Variants in FAM13A observed in about 807,000 individuals in gnomAD.
The protein encoded by FAM13A is protein FAM13A.
In FAM13A, 76 loss-of-function variants were observed where a neutral mutation model predicts 129.6. The ratio of observed to expected loss-of-function variants is 0.59; its 90% CI spans 0.49 to 0.71. FAM13A has a LOEUF of 0.71. FAM13A is among the 30% of genes least tolerant of loss of function. The pLI is 0.00. For synonymous variants in FAM13A, 443 were observed against 449.9 expected (o/e 0.98, Z 0.20); for missense variants, 1,108 against 1,249.3 (o/e 0.89, Z 1.70).
chr4:88,758,940 C>T, intron 13 of FAM13A, 39 bp from the exon 14 acceptor site: 1 of 1,595,396 alleles, frequency 6.3e-7, no homozygotes, highest in Non-Finnish European at 8.6e-7. Context: ...ATCTACTGCT[C>T]ACCAAAACCC....
chr4:89,005,983 C>G (rs1764954854), intron 3 of FAM13A, among the ~76,000 whole-genome samples: 1 of 151,942 alleles, frequency 6.6e-6, no homozygotes, highest in Non-Finnish European at 1.5e-5. Context: ...AAACCTTTGC[C>G]CTTTCCTACA....
At chr4:88,839,894 G>T (rs970845833) in intron 7 of FAM13A, among the ~76,000 whole-genome samples, 4 of 152,270 alleles carry the variant, frequency 2.6e-5, no homozygotes, top group Admixed American at 1.3e-4. Context: ...TAACTACCTG[G>T]AATATAATGA....
At position 88,927,137 on chromosome 4, in the gene FAM13A, C is replaced by T. The variant is rs148257456; in HGVS notation, c.759+10951G>A. The stretch of plus-strand genomic sequence containing the variant: ...GTGTCATCTACAGTTTTTTTTCCAC[C>T]GGTGTTTTTTAGTTCCCCTGATAGA... On this transcript the variant is annotated intron_variant, in intron 5 of 23. Coordinates refer to ENST00000264344, the MANE Select transcript of FAM13A (RefSeq NM_014883.4). Among the ~76,000 whole-genome samples the T allele has an allele frequency of 1.5e-4, 23 of 152,118 alleles. No individual in the cohort carries two copies. In the East Asian group the frequency reaches 3.7e-3, roughly 24 times the overall value.
intron 6 of FAM13A, among the ~76,000 whole-genome samples, chr4:88,892,233 G>A (rs904842479): frequency 1.4e-5 from 2 of 145,316 alleles, no homozygotes; most frequent in African/African-American, 5.1e-5. Context: ...AGGCTGGAGT[G>A]CAGTGGCGAG....
intron 6 of FAM13A, among the ~76,000 whole-genome samples, chr4:88,870,724 C>T (rs1016897825): frequency 1.3e-5 from 2 of 152,254 alleles, no homozygotes; most frequent in Non-Finnish European, 2.9e-5. Flanking sequence ...GCAGAAACTT[C>T]TGCAGACTTA....
At chr4:88,960,397 T>C (rs533471176) in intron 4 of FAM13A, among the ~76,000 whole-genome samples, 1 of 152,326 alleles carries the variant, frequency 6.6e-6, no homozygotes, top group East Asian at 1.9e-4. Context: ...TGAGGAAAAC[T>C]GATGATTAGG....
At chr4:88,747,583 C>T (rs1332085152) in intron 18 of FAM13A, 48 bp downstream of exon 18, 1 of 1,484,320 alleles carries the variant, frequency 6.7e-7, no homozygotes, top group Non-Finnish European at 9.4e-7. Context: ...GTCTCTACCA[C>T]ATTGACTGCA....
At chr4:88,896,295 ACC>A (rs1746304878) in intron 6 of FAM13A, among the ~76,000 whole-genome samples, 1 of 149,436 alleles carries the variant, frequency 6.7e-6, no homozygotes, top group Non-Finnish European at 1.5e-5. Flanking sequence ...GGGGAGGGAT[ACC>A]ATTGGGAGAT....
intron 11 of FAM13A, among the ~76,000 whole-genome samples, chr4:88,773,655 ACTCAGTC>A (rs1721129841): frequency 6.6e-6 from 1 of 152,064 alleles, no homozygotes; most frequent in South Asian, 2.1e-4. Flanking sequence ...TACCCTTTGT[ACTCAGTC>A]CTTTGGTGTC....
At chr4:88,841,471 G>T (rs536308110) in intron 7 of FAM13A, among the ~76,000 whole-genome samples, 56 of 138,262 alleles carry the variant, frequency 4.1e-4, no homozygotes, top group African/African-American at 1.4e-3. Context: ...TCCAGCCTGG[G>T]TGACAGAGTG....
At chr4:88,944,574 A>G (rs897886331) in intron 4 of FAM13A, among the ~76,000 whole-genome samples, 2 of 152,002 alleles carry the variant, frequency 1.3e-5, no homozygotes, top group Admixed American at 1.3e-4. Context: ...CGATGTCTGC[A>G]TTGGTTTGAC....
intron 4 of FAM13A, among the ~76,000 whole-genome samples, chr4:88,986,753 G>A (rs950175569): frequency 6.6e-6 from 1 of 152,154 alleles, no homozygotes; most frequent in Non-Finnish European, 1.5e-5. Flanking sequence ...TTTTTAGGAA[G>A]CAAGATTTTC....
chr4:88,829,041 G>T (rs1423026004), intron 7 of FAM13A, among the ~76,000 whole-genome samples: 1 of 152,064 alleles, frequency 6.6e-6, no homozygotes, highest in African/African-American at 2.4e-5. Context: ...ATTTGCTCTT[G>T]TCCTATCAAG....
In FAM13A at chr4:88,739,024, A is replaced by T; in HGVS notation, c.2562+6T>A. 6.3e-7 allele frequency: 1 copy of T among 1,594,618 alleles called. No homozygotes were observed. Among genetic ancestry groups the T allele is most frequent in the Non-Finnish European group, 8.6e-7 (1 of 1,162,324 alleles). ...TGTACCAGCCACGGGAAGGTATTCT[A>T]CTCACAATGATGGGTATGGTGTTAG... is the stretch of plus-strand genomic sequence containing the variant. On this transcript the variant is annotated splice_donor_region_variant and intron_variant, in intron 20 of 23. Transcript: ENST00000264344.
rs994723473 is a variant in FAM13A at position 88,997,555 on chromosome 4, TAA to T, written c.428-6407_428-6406del. 1.2e-4 allele frequency among the ~76,000 whole-genome samples: 13 copies of T among 112,910 alleles called. No individual in the cohort carries two copies. The East Asian group carries it at 3.4e-3, about 29-fold the overall frequency. The allele number at this position is 112,910 out of a possible 152,430, so 74.1% of individuals were successfully genotyped here. On this transcript the variant is annotated intron_variant, in intron 3 of 23. Coordinates refer to ENST00000264344, the MANE Select transcript of FAM13A (RefSeq NM_014883.4). ...CCATGTGACAAATATTTGCTCTCAC[TAA>T]AAAAAAAAAAATTATAATTATAATC...
chr4:88,819,702 T>G (rs1043921902), intron 7 of FAM13A, among the ~76,000 whole-genome samples: 1 of 152,204 alleles, frequency 6.6e-6, no homozygotes, highest in Non-Finnish European at 1.5e-5. Flanking sequence ...TCCCTTTATT[T>G]CTGATATTAT....
chr4:88,968,134 T>C (rs1759591190), intron 4 of FAM13A, among the ~76,000 whole-genome samples: 1 of 152,134 alleles, frequency 6.6e-6, no homozygotes, highest in African/African-American at 2.4e-5. Flanking sequence ...GAAGAGAAGA[T>C]AAAAAGAACT....
chr4:88,911,934 C>T (rs1400923292), intron 5 of FAM13A, among the ~76,000 whole-genome samples: 1 of 152,222 alleles, frequency 6.6e-6, no homozygotes, highest in African/African-American at 2.4e-5. Flanking sequence ...TTCTTCAATG[C>T]CCTAAGATGT....
intron 5 of FAM13A, among the ~76,000 whole-genome samples, chr4:88,913,188 A>G (rs1169969295): frequency 7.5e-6 from 1 of 134,112 alleles, no homozygotes; most frequent in Non-Finnish European, 1.6e-5. Flanking sequence ...GAAGTGGAGG[A>G]GGAAGAGGAA....
Sources: allele counts gnomAD v4.1 joint callset (sites outside exome capture counted in the v4.1 genomes callset), GRCh38; gene constraint gnomAD v4.1.1; transcripts MANE v1.5; gene names NCBI Gene and HGNC (gene_info 2026-07-23, HGNC 2026-07-21).